Variants in ANXA4 observed in about 807,000 individuals in gnomAD.
The protein encoded by ANXA4 is 35-beta calcimedin.
Under a neutral mutation model 49.8 loss-of-function variants are expected in ANXA4, and 39 were observed. The observed-to-expected ratio is 0.78, with a 90% CI of 0.61 to 1.02. ANXA4 has a LOEUF of 1.02. Ranked by LOEUF, ANXA4 falls within the 50% of genes least tolerant of loss-of-function variation. The pLI is 0.00. For missense variants in ANXA4, 360 were observed against 410.1 expected, an observed-to-expected ratio of 0.88 and a Z score of 1.05; for synonymous variants, 134 against 152.5, an observed-to-expected ratio of 0.88 and a Z score of 0.89.
intron 2 of ANXA4, among the ~76,000 whole-genome samples, chr2:69,688,111 G>A (rs1272243010): frequency 6.6e-6 from 1 of 151,990 alleles, no homozygotes; most frequent in Non-Finnish European, 1.5e-5. Context: ...TGGTTAGATG[G>A]GTTTCTTAAA....
chr2:69,691,423 A>G (rs1677961001), intron 2 of ANXA4, among the ~76,000 whole-genome samples: 1 of 152,080 alleles, frequency 6.6e-6, no homozygotes, highest in South Asian at 2.1e-4. Context: ...CCCCTGGTAC[A>G]GTCTTTACAC....
upstream of ANXA4, among the ~76,000 whole-genome samples, chr2:69,739,042 A>G (rs1397980237): frequency 6.6e-6 from 1 of 152,232 alleles, no homozygotes; most frequent in Non-Finnish European, 1.5e-5. Context: ...GAGCCACTGC[A>G]TGATTCTTCA....
intron 2 of ANXA4, among the ~76,000 whole-genome samples, chr2:69,666,661 A>C (rs1208924336): frequency 6.6e-6 from 1 of 152,266 alleles, no homozygotes; most frequent in East Asian, 1.9e-4. Context: ...ACAATGAAAA[A>C]GAATTAAGTA....
At chr2:69,669,661 C>A (rs1292249233) in intron 2 of ANXA4, among the ~76,000 whole-genome samples, 3 of 152,040 alleles carry the variant, frequency 2.0e-5, no homozygotes, top group Non-Finnish European at 4.4e-5. Flanking sequence ...ACCAAAACCA[C>A]TGTAACAAGA....
intron 1 of ANXA4, among the ~76,000 whole-genome samples, chr2:69,778,165 T>A (rs947374463): frequency 3.3e-5 from 5 of 152,240 alleles, no homozygotes; most frequent in African/African-American, 1.2e-4. Flanking sequence ...TGAGCTACTG[T>A]GGTTTGCCGA....
intron 2 of ANXA4, among the ~76,000 whole-genome samples, chr2:69,710,150 G>A (rs1678632485): frequency 6.6e-6 from 1 of 151,954 alleles, no homozygotes; most frequent in Non-Finnish European, 1.5e-5. Context: ...ACCACGCCCG[G>A]CTAATTTTGT....
chr2:69,690,626 G>T (rs60175839), intron 2 of ANXA4, among the ~76,000 whole-genome samples: 2 of 152,304 alleles, frequency 1.3e-5, no homozygotes, highest in East Asian at 3.9e-4. Flanking sequence ...CCTGAGCAAA[G>T]GTTCTACATT....
chr2:69,715,750 G>A (rs1194287151), intron 2 of ANXA4, among the ~76,000 whole-genome samples: 1 of 152,200 alleles, frequency 6.6e-6, no homozygotes, highest in African/African-American at 2.4e-5. Flanking sequence ...CCCCTTCTGT[G>A]CCTATGCACA....
At chr2:69,648,515 G>T (rs1035205057) in intron 1 of ANXA4, among the ~76,000 whole-genome samples, 8 of 152,220 alleles carry the variant, frequency 5.3e-5, no homozygotes, top group African/African-American at 1.9e-4. Flanking sequence ...TAAGAACCAT[G>T]TCCTTTTTAA....
intron 1 of ANXA4, among the ~76,000 whole-genome samples, chr2:69,744,912 A>G (rs1573181574): frequency 1.3e-5 from 2 of 152,178 alleles, no homozygotes; most frequent in East Asian, 3.9e-4. Flanking sequence ...CTTCTTGTCA[A>G]GCTGATATGA....
At chr2:69,667,937 C>A (rs1350822596) in intron 2 of ANXA4, among the ~76,000 whole-genome samples, 2 of 152,216 alleles carry the variant, frequency 1.3e-5, no homozygotes, top group African/African-American at 4.8e-5. Flanking sequence ...CTAGCCGGGA[C>A]AAGCCGTCAT....
chr2:69,724,823 C>T (rs1158686628), intron 3 of ANXA4, among the ~76,000 whole-genome samples: 1 of 151,160 alleles, frequency 6.6e-6, no homozygotes, highest in African/African-American at 2.4e-5. Flanking sequence ...GCTTCTTCTG[C>T]CACTAGATGG....
chr2:69,752,937 G>C (rs577237347), intron 1 of ANXA4, among the ~76,000 whole-genome samples: 1 of 152,250 alleles, frequency 6.6e-6, no homozygotes, highest in African/African-American at 2.4e-5. Flanking sequence ...ATCATAGCAG[G>C]AGCTTTGCTT....
chr2:69,748,863 A>T (rs1670730453), intron 1 of ANXA4, among the ~76,000 whole-genome samples: 1 of 151,922 alleles, frequency 6.6e-6, no homozygotes, highest in Non-Finnish European at 1.5e-5. Flanking sequence ...GGTGCATGCC[A>T]CCACACCTGG....
intron 2 of ANXA4, among the ~76,000 whole-genome samples, chr2:69,707,256 C>T (rs189066429): frequency 2.6e-5 from 4 of 152,302 alleles, no homozygotes; most frequent in African/African-American, 7.2e-5. Flanking sequence ...AAGTAGGTCT[C>T]GGCTAGCATT....
intron 2 of ANXA4, among the ~76,000 whole-genome samples, chr2:69,692,764 G>A (rs1051374518): frequency 3.3e-5 from 5 of 152,152 alleles, no homozygotes; most frequent in African/African-American, 1.2e-4. Context: ...TGTGCCTAGC[G>A]CTAGGTAAGG....
intron 1 of ANXA4, among the ~76,000 whole-genome samples, chr2:69,760,109 T>G (rs1438690890): frequency 6.6e-6 from 1 of 152,112 alleles, no homozygotes; most frequent in Non-Finnish European, 1.5e-5. Context: ...TGGGATTACA[T>G]GCATGAGCCA....
chr2:69,659,465 A>T (rs563618261), intron 2 of ANXA4, among the ~76,000 whole-genome samples: 1 of 152,222 alleles, frequency 6.6e-6, no homozygotes, highest in African/African-American at 2.4e-5. Flanking sequence ...TTTAGAGAGA[A>T]GGGTCTCATT....
At chr2:69,688,598 C>T (rs1677868750) in intron 2 of ANXA4, among the ~76,000 whole-genome samples, 1 of 152,210 alleles carries the variant, frequency 6.6e-6, no homozygotes, top group South Asian at 2.1e-4. Flanking sequence ...AAGATAAATG[C>T]TTCATTACCT....
Sources: gnomAD v4.1 joint callset for allele counts (sites outside exome capture counted in the v4.1 genomes callset) on GRCh38, gnomAD v4.1.1 for gene constraint, MANE v1.5 for transcripts, NCBI Gene and HGNC (gene_info 2026-07-23, HGNC 2026-07-21) for gene names.